The following CSNK1A1 variants were observed in gnomAD, a reference collection of about 807,000 sequenced individuals.
CSNK1A1 encodes the protein casein kinase 1 alpha 1.
In CSNK1A1, 7 loss-of-function variants were observed where a neutral mutation model predicts 46.1. The observed-to-expected ratio is 0.15, with a 90% CI of 0.09 to 0.29. CSNK1A1 has a LOEUF of 0.29. Among genes scored for constraint, CSNK1A1 ranks in the 10% least tolerant of loss-of-function variants. The probability of loss-of-function intolerance (pLI) is 1.00; values close to 1 mark genes in which losing one functional copy is unlikely to be tolerated. For missense variants in CSNK1A1, 96 were observed against 417.1 expected, an observed-to-expected ratio of 0.23 and a Z score of 6.71; for synonymous variants, 137 against 141.5, an observed-to-expected ratio of 0.97 and a Z score of 0.23.
intron 2 of CSNK1A1, among the ~76,000 whole-genome samples, chr5:149,538,652 G>T (rs571335616): frequency 1.8e-4 from 27 of 152,344 alleles, no homozygotes; most frequent in African/African-American, 6.5e-4. Flanking sequence ...GCTGGGCACA[G>T]CGGCTCACAT....
At position 149,550,987 on chromosome 5, in the gene CSNK1A1, T is replaced by TG. The variant is rs1762641179; in HGVS notation, c.-24dup. ...CATCCTGAGAGACGAAGATGGAGGC[T>TG]GGGGCCAAGCCCCGACACCTCTGGG... On this transcript the variant is annotated 5_prime_UTR_variant, in exon 1 of 10. Transcript: ENST00000377843. The surrounding 1 kb of genome is among the most constrained non-coding windows in gnomAD (Gnocchi z 4.3). 6.2e-7 allele frequency: 1 copy of TG among 1,613,366 alleles called. No homozygotes were observed. Among genetic ancestry groups the TG allele is most frequent in the South Asian group, 1.1e-5 (1 of 91,080 alleles).
Position 149,517,806 on chromosome 5 carries a change from T to A in CSNK1A1, c.456+2484A>T, listed in dbSNP as rs369529742. The A allele has an allele frequency of 4.0e-5, 64 of 1,603,318 alleles. No homozygotes were observed. Among genetic ancestry groups the A allele is most frequent in the Non-Finnish European group, 5.4e-5 (63 of 1,173,522 alleles). On this transcript the variant is annotated intron_variant, in intron 4 of 9. Coordinates refer to ENST00000377843, the MANE Select transcript of CSNK1A1 (RefSeq NM_001892.6). This position sits in a 1 kb window ranked among gnomAD's most constrained non-coding sequence, Gnocchi z 4.4. ...GACAGTTTCAGACCTGGTTTAATCC[T>A]GAGAAAGATGGGTCCTGAGAAGTAC...
At chr5:149,522,117 G>GT (rs1053892185) in intron 3 of CSNK1A1, among the ~76,000 whole-genome samples, 14 of 151,204 alleles carry the variant, frequency 9.3e-5, no homozygotes, top group South Asian at 6.3e-4. Context: ...GTGTTTTTTT[G>GT]TTTTTTTTGA....
intron 2 of CSNK1A1, among the ~76,000 whole-genome samples, chr5:149,526,436 G>C (rs1761727960): frequency 6.6e-6 from 1 of 152,024 alleles, no homozygotes; most frequent in Non-Finnish European, 1.5e-5. Flanking sequence ...CAAAGCACTG[G>C]GATTACAAGT....
intron 2 of CSNK1A1, among the ~76,000 whole-genome samples, chr5:149,545,216 G>A (rs747507749): frequency 4.6e-5 from 7 of 151,940 alleles, no homozygotes; most frequent in Non-Finnish European, 7.4e-5. Flanking sequence ...AATTTTAAGT[G>A]AGCTCTCACA....
rs10463285 is a variant in CSNK1A1, at chr5:149,547,810, A to G, written c.230+2265T>C. On this transcript the variant is annotated intron_variant, in intron 2 of 9. Transcript: ENST00000377843. ...TCATTTACAACCAATAGCACATTTT[A>G]TCACTCAATTCTCCATTAAAACTGT... Among the ~76,000 whole-genome samples the G allele has an allele frequency of 2.6e-4, 40 of 152,134 alleles. No homozygotes were observed. In the East Asian group the frequency reaches 7.7e-3, roughly 29 times the overall value.
In CSNK1A1 at chr5:149,550,350, C is replaced by T; in HGVS notation, c.124-169G>A. The stretch of plus-strand genomic sequence containing the variant: ...AAAACGAGGCAACCAGCCTCAAAGG[C>T]CTCTTCAGGGGGTAGTGACGAAATC... On this transcript the variant is annotated intron_variant, in intron 1 of 9. Coordinates refer to ENST00000377843, the MANE Select transcript of CSNK1A1 (RefSeq NM_001892.6). The surrounding 1 kb of genome is among the most constrained non-coding windows in gnomAD (Gnocchi z 4.3). The T allele has an allele frequency of 7.0e-7, 1 of 1,423,528 alleles. No individual in the cohort carries two copies. Among genetic ancestry groups the T allele is most frequent in the Non-Finnish European group, 9.1e-7 (1 of 1,093,534 alleles). 88.2% of individuals were successfully genotyped at this position (1,423,528 alleles called of 1,614,324 possible).
At chr5:149,534,628 TTC>T (rs1762006195) in intron 2 of CSNK1A1, among the ~76,000 whole-genome samples, 1 of 151,812 alleles carries the variant, frequency 6.6e-6, no homozygotes, top group Non-Finnish European at 1.5e-5. Flanking sequence ...ACTGTGTCAT[TTC>T]TCTGTTATAA....
intron 2 of CSNK1A1, among the ~76,000 whole-genome samples, chr5:149,531,998 C>T (rs1761915452): frequency 6.6e-6 from 1 of 152,040 alleles, no homozygotes; most frequent in Admixed American, 6.6e-5. Flanking sequence ...ATTCTCATGC[C>T]TCATCCACCT....
intron 4 of CSNK1A1, among the ~76,000 whole-genome samples, chr5:149,514,298 A>C (rs1186504074): frequency 1.3e-5 from 2 of 152,238 alleles, no homozygotes; most frequent in African/African-American, 4.8e-5. Context: ...ATGTAATTCA[A>C]GTTTACACTC....
At chr5:149,521,567 G>GT (rs1239641521) in intron 3 of CSNK1A1, among the ~76,000 whole-genome samples, 1 of 151,482 alleles carries the variant, frequency 6.6e-6, no homozygotes, top group Non-Finnish European at 1.5e-5. Context: ...GATTACAGGT[G>GT]TGAACCACCA....
chr5:149,506,903 G>GA (rs2113072284), intron 8 of CSNK1A1, 124 bp downstream of exon 8: 1 of 720,824 alleles, frequency 1.4e-6, no homozygotes, highest in East Asian at 2.9e-5. Flanking sequence ...ATCAGTTTCT[G>GA]AAACCTTTTA....
intron 9 of CSNK1A1, chr5:149,501,984 G>C (rs1760872835): frequency 2.1e-6 from 2 of 938,856 alleles, no homozygotes; most frequent in Non-Finnish European, 2.5e-6. Context: ...TAGATAATAA[G>C]TGGCATAAAG....
chr5:149,541,051 GC>G (rs1762213705), intron 2 of CSNK1A1, among the ~76,000 whole-genome samples: 1 of 151,642 alleles, frequency 6.6e-6, no homozygotes, highest in Admixed American at 6.6e-5. Context: ...CTGCACTCTG[GC>G]CTGGGCAACA....
In CSNK1A1 at chr5:149,534,172, T is replaced by G. The variant is rs1761982614; in HGVS notation, c.231-9001A>C. Among the ~76,000 whole-genome samples, 4 of 152,066 alleles carry G rather than the reference T, an allele frequency of 2.6e-5. No homozygotes were observed. The South Asian group carries it at 8.3e-4, about 31-fold the overall frequency. Reference sequence around the variant, plus strand: ...ATACAAAATACAGGAATAAGCAATTTACTTAGAAGATAAAAAAGAAGGCTT... The same window carrying G: ...ATACAAAATACAGGAATAAGCAATTGACTTAGAAGATAAAAAAGAAGGCTT... On this transcript the variant is annotated intron_variant, in intron 2 of 9. Coordinates refer to ENST00000377843, the MANE Select transcript of CSNK1A1 (RefSeq NM_001892.6).
At chr5:149,531,693 CAAAAAAAA>C (rs60488526) in intron 2 of CSNK1A1, among the ~76,000 whole-genome samples, 4 of 136,684 alleles carry the variant, frequency 2.9e-5, no homozygotes, top group African/African-American at 2.6e-5. Context: ...ACTAAAAATA[CAAAAAAAA>C]AAAAAACAAA....
At chr5:149,541,428 C>T (rs548025047) in intron 2 of CSNK1A1, among the ~76,000 whole-genome samples, 9 of 152,066 alleles carry the variant, frequency 5.9e-5, no homozygotes, top group African/African-American at 9.6e-5. Flanking sequence ...GCTGGGATTA[C>T]AGGTGTGGCA....
In CSNK1A1 at chr5:149,550,692, G is replaced by A; in HGVS notation, c.123+150C>T. 2.7e-6 allele frequency: 3 copies of A among 1,109,818 alleles called. No homozygotes were observed. Among genetic ancestry groups the A allele is most frequent in the Non-Finnish European group, 3.8e-6 (3 of 789,994 alleles). The allele number at this position is 1,109,818 out of a possible 1,614,324, so 68.7% of individuals were successfully genotyped here. Reference sequence around the variant, plus strand: ...TGACCCTTTTAGGGAGACAGCGGACGAGGTTCGTAAGCCAGGAAAACTAGC... The same window carrying A: ...TGACCCTTTTAGGGAGACAGCGGACAAGGTTCGTAAGCCAGGAAAACTAGC... On this transcript the variant is annotated intron_variant, in intron 1 of 9. Coordinates refer to ENST00000377843, the MANE Select transcript of CSNK1A1 (RefSeq NM_001892.6). This position sits in a 1 kb window ranked among gnomAD's most constrained non-coding sequence, Gnocchi z 4.3.
chr5:149,530,452 AG>A, intron 2 of CSNK1A1, among the ~76,000 whole-genome samples: 1 of 152,358 alleles, frequency 6.6e-6, no homozygotes, highest in East Asian at 1.9e-4. Flanking sequence ...ACAACTAAAA[AG>A]TATCAACACT....
Sources: allele counts gnomAD v4.1 joint callset (sites outside exome capture counted in the v4.1 genomes callset), GRCh38; gene constraint gnomAD v4.1.1; non-coding constraint Gnocchi (gnomAD v3.1); transcripts MANE v1.5; gene names NCBI Gene and HGNC (gene_info 2026-07-23, HGNC 2026-07-21).